Variants in ZNF782 observed in about 807,000 individuals in gnomAD.
The protein encoded by ZNF782 is zinc finger protein 782.
Under a neutral mutation model 13.0 loss-of-function variants are expected in ZNF782, and 12 were observed. The observed-to-expected ratio is 0.92, with a 90% CI of 0.59 to 1.50. The LOEUF is 1.50. ZNF782 is among the 40% of genes most tolerant of loss of function. The probability of loss-of-function intolerance (pLI) is 0.00; values close to 1 mark genes in which losing one functional copy is unlikely to be tolerated. For missense variants in ZNF782, 770 were observed against 822.9 expected, an observed-to-expected ratio of 0.94 and a Z score of 0.79; for synonymous variants, 284 against 283.0, an observed-to-expected ratio of 1.00 and a Z score of -0.04.
At chr9:96,903,254 A>T in the ZNF782 span, 1 of 152,012 alleles carries the variant, frequency 6.6e-6, no homozygotes, top group African/African-American at 2.4e-5. Context: ...TTTGTTGCCT[A>T]ACATTTATAG....
intron 1 of ZNF782, among the ~76,000 whole-genome samples, chr9:96,869,005 C>G (rs1851793724): frequency 6.6e-6 from 1 of 152,084 alleles, no homozygotes; most frequent in Admixed American, 6.6e-5. Context: ...TGGCACACGA[C>G]AGTAGCCTAT....
chr9:96,865,438 A>G (rs1379519828), intron 1 of ZNF782, among the ~76,000 whole-genome samples: 2 of 152,194 alleles, frequency 1.3e-5, no homozygotes, highest in African/African-American at 2.4e-5. Flanking sequence ...CCATCCTTGT[A>G]AGACATGACT....
In ZNF782 at chr9:96,819,784, A is replaced by T; in HGVS notation, c.245-6T>A. 1.3e-6 allele frequency: 2 copies of T among 1,549,332 alleles called. No homozygotes were observed. Among genetic ancestry groups the T allele is most frequent in the Non-Finnish European group, 1.7e-6 (2 of 1,155,466 alleles). On this transcript the variant is annotated splice_region_variant and splice_polypyrimidine_tract_variant and intron_variant, in intron 5 of 5. Coordinates refer to ENST00000481138, the MANE Select transcript of ZNF782 (RefSeq NM_001001662.3). ...TTCATCAGGTTGGGAGTCTTCTAAA[A>T]ATGATAAAATTAAACAAACTTTATG...
At chr9:96,888,176 GAAAA>G in the ZNF782 span, 3 of 134,950 alleles carry the variant, frequency 2.2e-5, no homozygotes, top group East Asian at 4.1e-4. Flanking sequence ...AATAAAAAAA[GAAAA>G]AAAAAAAGAA....
chr9:96,864,922 TG>T (rs1851739791), intron 1 of ZNF782, among the ~76,000 whole-genome samples: 1 of 149,804 alleles, frequency 6.7e-6, no homozygotes, highest in South Asian at 2.1e-4. Context: ...GACATGAGCC[TG>T]TAGTCCCAGC....
intron 1 of ZNF782, among the ~76,000 whole-genome samples, chr9:96,863,275 A>T (rs938863377): frequency 6.6e-6 from 1 of 152,066 alleles, no homozygotes; most frequent in Non-Finnish European, 1.5e-5. Flanking sequence ...AACATTACTA[A>T]TTATCAGGGA....
the ZNF782 span, chr9:96,892,922 C>A: frequency 6.6e-6 from 1 of 150,696 alleles, no homozygotes; most frequent in Non-Finnish European, 1.5e-5. Flanking sequence ...AAGTATAATT[C>A]ATGGCAGGAC....
chr9:96,931,995 C>T, the ZNF782 span: 1 of 1,610,464 alleles, frequency 6.2e-7, no homozygotes, highest in Non-Finnish European at 8.5e-7. Flanking sequence ...CCCCCTCAGG[C>T]ACAGACCTTG....
At chr9:96,831,469 G>C (rs1439488030) in intron 4 of ZNF782, among the ~76,000 whole-genome samples, 2 of 152,036 alleles carry the variant, frequency 1.3e-5, no homozygotes, top group Non-Finnish European at 2.9e-5. Context: ...CAGCACTTTG[G>C]GAGGCCGAGA....
intron 3 of ZNF782, among the ~76,000 whole-genome samples, chr9:96,848,867 G>C (rs1396502021): frequency 6.6e-6 from 1 of 152,134 alleles, no homozygotes; most frequent in Non-Finnish European, 1.5e-5. Context: ...AATAGTCAAA[G>C]CAATCCTGAG....
chr9:96,903,152 T>C, the ZNF782 span: 5 of 151,782 alleles, frequency 3.3e-5, no homozygotes, highest in African/African-American at 1.2e-4. Context: ...ACTGCTTCAA[T>C]GCAGATACAA....
chr9:96,827,180 G>T lies in ZNF782; in HGVS notation c.144C>A (p.Gly48=). The change falls in exon 5 of 6, where the codon GGC becomes GGA. Residue 48 remains glycine (G), a splice_region_variant and synonymous_variant. Transcript: ENST00000481138. ...LENYSHLVSV[G]YCFTKPELIF... is the part of the protein sequence containing the mutation. ...TCAGTTCTGGTTTTGTAAAGCAGTA[G>T]CCTATAAATGGGAAACAATTTAGCA... The T allele has an allele frequency of 6.2e-7, 1 of 1,602,460 alleles. No homozygotes were observed. The highest frequency in any genetic ancestry group is 1.7e-5 in the Admixed American group (1 of 59,106).
the ZNF782 span, chr9:96,895,230 G>A: frequency 6.6e-5 from 10 of 152,180 alleles, no homozygotes; most frequent in Admixed American, 6.5e-4. Context: ...CAAAGACAAG[G>A]TGAACATGGT....
Position 96,818,659 on chromosome 9 carries a change from C to T in ZNF782, c.1364G>A (p.Cys455Tyr), listed in dbSNP as rs990828105. ...TGEKPFECHE[C>Y]GKSFNYKSIL... is the part of the protein sequence containing the mutation. ...TGACTTATAGTTAAAAGATTTCCCA[C>T]ATTCATGACATTCGAATGGTTTCTC... The change falls in exon 6 of 6, where the codon TGT becomes TAT. Residue 455 changes from cysteine to tyrosine, a missense_variant. By Grantham distance (194) the Cys-to-Tyr change is radical. Coordinates refer to ENST00000481138, the MANE Select transcript of ZNF782 (RefSeq NM_001001662.3). 9 of 1,614,144 alleles carry T rather than the reference C, an allele frequency of 5.6e-6. No homozygotes were observed. Among genetic ancestry groups the T allele is most frequent in the Non-Finnish European group, 7.6e-6 (9 of 1,180,014 alleles).
chr9:96,885,165 T>C, the ZNF782 span, among the ~76,000 whole-genome samples: 1 of 151,350 alleles, frequency 6.6e-6, no homozygotes, highest in Non-Finnish European at 1.5e-5. Flanking sequence ...AAATAACAGA[T>C]ACTAACACCA....
At chr9:96,907,909 G>A in the ZNF782 span, among the ~76,000 whole-genome samples, 12 of 151,674 alleles carry the variant, frequency 7.9e-5, no homozygotes, top group African/African-American at 2.9e-4. Flanking sequence ...CCAAAGTGCT[G>A]GGATTACAGG....
chr9:96,917,941 T>C, the ZNF782 span, among the ~76,000 whole-genome samples: 3 of 149,288 alleles, frequency 2.0e-5, no homozygotes, highest in Non-Finnish European at 4.5e-5. Context: ...GATGGGGGTC[T>C]GTGTTGCCCA....
intron 4 of ZNF782, among the ~76,000 whole-genome samples, chr9:96,841,457 T>C (rs145449273): frequency 2.0e-5 from 3 of 152,068 alleles, no homozygotes; most frequent in Non-Finnish European, 4.4e-5. Context: ...ATTTCTCTCA[T>C]AAATGCAAAA....
At chr9:96,851,860 T>C in intron 3 of ZNF782, 87 bp downstream of exon 3, 2 of 1,288,082 alleles carry the variant, frequency 1.6e-6, no homozygotes, top group South Asian at 2.4e-5. Flanking sequence ...TACTTATCTA[T>C]TTCTCCTTTT....
Sources: allele counts gnomAD v4.1 joint callset (sites outside exome capture counted in the v4.1 genomes callset), GRCh38; gene constraint gnomAD v4.1.1; transcripts MANE v1.5; gene names NCBI Gene and HGNC (gene_info 2026-07-23, HGNC 2026-07-21).